MAF: variants seen among roughly 807,000 people sequenced by gnomAD.
The protein encoded by MAF is transcription factor Maf.
In MAF, 10 loss-of-function variants were observed where a neutral mutation model predicts 22.0. The ratio of observed to expected loss-of-function variants is 0.45; its 90% CI spans 0.28 to 0.77. The LOEUF (loss-of-function observed/expected upper bound fraction) is 0.77, where lower values mean the gene tolerates loss of function less well. Among genes scored for constraint, MAF ranks in the 30% least tolerant of loss-of-function variants. The probability of loss-of-function intolerance (pLI) is 0.12; values close to 1 mark genes in which losing one functional copy is unlikely to be tolerated. For synonymous variants in MAF, 337 were observed against 255.8 expected (o/e 1.32, Z -3.03); for missense variants, 544 against 548.4 (o/e 0.99, Z 0.08).
At chr16:79,398,661 A>C in the MAF span, among the ~76,000 whole-genome samples, 1 of 151,774 alleles carries the variant, frequency 6.6e-6, no homozygotes, top group Non-Finnish European at 1.5e-5. Context: ...TGCATGCTAC[A>C]TTGACACAAG....
the MAF span, among the ~76,000 whole-genome samples, chr16:79,552,111 G>C: frequency 6.6e-6 from 1 of 152,126 alleles, no homozygotes; most frequent in Admixed American, 6.5e-5. Context: ...CTTCCAAGCA[G>C]TCATTCTGTG....
At chr16:79,401,347 C>G in the MAF span, among the ~76,000 whole-genome samples, 1 of 152,196 alleles carries the variant, frequency 6.6e-6, no homozygotes, top group East Asian at 1.9e-4. Context: ...TCTCATGGAA[C>G]TCTCTCCTAG....
At chr16:79,223,524 G>A in the MAF span, among the ~76,000 whole-genome samples, 1 of 152,162 alleles carries the variant, frequency 6.6e-6, no homozygotes, top group African/African-American at 2.4e-5. Context: ...GAGCAGAACT[G>A]AAGGAGATAG....
At position 79,599,126 on chromosome 16, in the gene MAF, G is replaced by T. The variant is rs1432507404; in HGVS notation, c.777C>A (p.Asp259Glu). The T allele has an allele frequency of 5.0e-6, 8 of 1,590,718 alleles. No homozygotes were observed. The highest frequency in any genetic ancestry group is 6.8e-6 in the Non-Finnish European group (8 of 1,174,966). Residue 259 changes from aspartate (D) to glutamate (E), a missense_variant, in exon 1 of 2, where the codon GAC (aspartate) becomes GAA (glutamate). Transcript: ENST00000326043. ...TCACCAGCTGCTCGTCGGAGAAGCG[G>T]TCGTCGAAGTGCAGGCCGCCGGCGG... Reference protein sequence around the residue: ...HHAAGGLHFDDRFSDEQLVTM... With the variant: ...HHAAGGLHFDERFSDEQLVTM...
chr16:79,208,658 C>T, the MAF span, among the ~76,000 whole-genome samples: 1 of 151,324 alleles, frequency 6.6e-6, no homozygotes, highest in Non-Finnish European at 1.5e-5. Flanking sequence ...TTTAAGAATG[C>T]TTTCTCTTTT....
At chr16:79,242,023 A>G in the MAF span, among the ~76,000 whole-genome samples, 1 of 152,108 alleles carries the variant, frequency 6.6e-6, no homozygotes, top group African/African-American at 2.4e-5. Context: ...GGCCTGCCTT[A>G]CAAGAGCTCC....
the MAF span, among the ~76,000 whole-genome samples, chr16:79,464,816 A>G: frequency 1.3e-5 from 2 of 152,342 alleles, no homozygotes; most frequent in East Asian, 3.9e-4. Flanking sequence ...AGGTTACAGC[A>G]GATGGCGAAT....
chr16:79,453,535 C>T, the MAF span, among the ~76,000 whole-genome samples: 1 of 152,142 alleles, frequency 6.6e-6, no homozygotes, highest in African/African-American at 2.4e-5. Flanking sequence ...TTGGCAATCA[C>T]CTAAGCATTT....
the MAF span, among the ~76,000 whole-genome samples, chr16:79,406,293 C>A: frequency 6.6e-6 from 1 of 152,332 alleles, no homozygotes; most frequent in African/African-American, 2.4e-5. Context: ...TCTGGCACGT[C>A]CCCAAGGAGC....
At chr16:79,538,142 A>G in the MAF span, among the ~76,000 whole-genome samples, 1 of 152,260 alleles carries the variant, frequency 6.6e-6, no homozygotes, top group African/African-American at 2.4e-5. Flanking sequence ...AAGAATGAGA[A>G]GAATGATCAC....
chr16:79,445,875 T>G, the MAF span, among the ~76,000 whole-genome samples: 3 of 152,320 alleles, frequency 2.0e-5, no homozygotes, highest in East Asian at 5.8e-4. Context: ...AAGACACTAA[T>G]GCATGCATAC....
the MAF span, among the ~76,000 whole-genome samples, chr16:79,224,238 A>G: frequency 6.6e-6 from 1 of 152,234 alleles, no homozygotes; most frequent in Non-Finnish European, 1.5e-5. Context: ...TCCATCACAT[A>G]AACAGAACGG....
chr16:79,570,007 T>C, the MAF span, among the ~76,000 whole-genome samples: 1 of 135,106 alleles, frequency 7.4e-6, no homozygotes, highest in Non-Finnish European at 1.6e-5. Flanking sequence ...CTCCTGTCTT[T>C]GTTCTTTTTT....
At chr16:79,391,039 G>A in the MAF span, among the ~76,000 whole-genome samples, 5 of 152,148 alleles carry the variant, frequency 3.3e-5, no homozygotes, top group African/African-American at 1.2e-4. Flanking sequence ...AGGGTCCACT[G>A]CTGCCTCTCC....
the MAF span, among the ~76,000 whole-genome samples, chr16:79,565,627 C>T: frequency 6.6e-6 from 1 of 152,154 alleles, no homozygotes; most frequent in African/African-American, 2.4e-5. Context: ...TCCCTTCGCT[C>T]AGCACTTCTC....
chr16:79,557,593 T>G, the MAF span, among the ~76,000 whole-genome samples: 4 of 152,086 alleles, frequency 2.6e-5, no homozygotes, highest in African/African-American at 9.7e-5. Flanking sequence ...AGCTTCCTCC[T>G]CTGCTCAATA....
the MAF span, among the ~76,000 whole-genome samples, chr16:79,559,767 C>T: frequency 6.6e-5 from 10 of 152,176 alleles, no homozygotes; most frequent in East Asian, 3.8e-4. Flanking sequence ...TTCTTTCCCT[C>T]CTCTTGATTC....
chr16:79,380,351 A>G, the MAF span, among the ~76,000 whole-genome samples: 6 of 152,232 alleles, frequency 3.9e-5, no homozygotes, highest in Non-Finnish European at 7.3e-5. Flanking sequence ...TATGATGACT[A>G]TAACAGTAAT....
At chr16:79,357,396 G>T in the MAF span, among the ~76,000 whole-genome samples, 1 of 152,210 alleles carries the variant, frequency 6.6e-6, no homozygotes, top group South Asian at 2.1e-4. Context: ...GTTGCAGTGA[G>T]CCAACAGTTG....
Sources: allele counts gnomAD v4.1 joint callset (sites outside exome capture counted in the v4.1 genomes callset), GRCh38; gene constraint gnomAD v4.1.1; transcripts MANE v1.5; gene names NCBI Gene and HGNC (gene_info 2026-07-23, HGNC 2026-07-21).